The following TLCD4 variants were observed in gnomAD, a reference collection of about 807,000 sequenced individuals.
The protein encoded by TLCD4 is TLC domain containing 4.
In TLCD4, 7 loss-of-function variants were observed where a neutral mutation model predicts 24.2. That is an observed-to-expected ratio of 0.29 (90% CI 0.16 to 0.54). TLCD4 has a LOEUF of 0.54. Ranked by LOEUF, TLCD4 falls within the 20% of genes least tolerant of loss-of-function variation. The pLI is 0.95. For synonymous variants in TLCD4, 103 were observed against 106.4 expected (o/e 0.97, Z 0.20); for missense variants, 259 against 313.9 (o/e 0.82, Z 1.32).
intron 1 of TLCD4, among the ~76,000 whole-genome samples, chr1:95,139,455 A>ATTTTTTTTTTTTTTTTTTTTTTTTTTTTT (rs200337389): frequency 6.4e-5 from 6 of 93,992 alleles, no homozygotes; most frequent in Admixed American, 1.3e-4. Context: ...TAAACCTTTG[A>ATTTTTTTTTTTTTTTTTTTTTTTTTTTTT]TTTTTTTTTT....
chr1:95,120,857 C>G (rs1304713599), intron 1 of TLCD4, among the ~76,000 whole-genome samples: 1 of 152,166 alleles, frequency 6.6e-6, no homozygotes, highest in Non-Finnish European at 1.5e-5. Flanking sequence ...AAACTCATAA[C>G]GTGTTAGTGG....
At chr1:95,171,735 CA>C (rs1466510234) in intron 5 of TLCD4, among the ~76,000 whole-genome samples, 1 of 152,034 alleles carries the variant, frequency 6.6e-6, no homozygotes, top group African/African-American at 2.4e-5. Flanking sequence ...GGAGATAAAA[CA>C]GAACATATTG....
chr1:95,115,966 C>T (rs906895680), upstream of TLCD4, among the ~76,000 whole-genome samples: 9 of 152,118 alleles, frequency 5.9e-5, no homozygotes, highest in Admixed American at 3.3e-4. Context: ...GTAGCTATTG[C>T]GCAAACCAAA....
intron 6 of TLCD4, among the ~76,000 whole-genome samples, chr1:95,185,741 T>C (rs1226120516): frequency 6.6e-6 from 1 of 152,254 alleles, no homozygotes; most frequent in Non-Finnish European, 1.5e-5. Context: ...TAGTATATAA[T>C]GCAAATAACA....
the TLCD4 span, among the ~76,000 whole-genome samples, chr1:95,112,346 C>T: frequency 1.3e-5 from 2 of 151,862 alleles, no homozygotes; most frequent in African/African-American, 4.8e-5. Context: ...AACCTACTAA[C>T]AAGAATTCAC....
At chr1:95,130,837 G>T (rs888423124) in intron 1 of TLCD4, among the ~76,000 whole-genome samples, 2 of 152,200 alleles carry the variant, frequency 1.3e-5, no homozygotes, top group African/African-American at 2.4e-5. Context: ...GGAGCTTACA[G>T]TAGATAAATA....
chr1:95,096,822 A>G, the TLCD4 span, among the ~76,000 whole-genome samples: 2 of 152,164 alleles, frequency 1.3e-5, no homozygotes, highest in Non-Finnish European at 2.9e-5. Flanking sequence ...TTACCTCACC[A>G]GCACCTCCCC....
At position 95,143,845 on chromosome 1, in the gene TLCD4, G is replaced by C. The variant is rs980653076; in HGVS notation, c.-11-46G>C. The C allele has an allele frequency of 2.3e-6, 3 of 1,320,898 alleles. No homozygotes were observed. The African/African-American group carries it at 4.5e-5, about 20-fold the overall frequency. 81.8% of individuals were successfully genotyped at this position (1,320,898 alleles called of 1,614,324 possible). A position where few individuals can be genotyped will look rare whatever the true frequency, so the allele number is the denominator to read the frequency against. On this transcript the variant is annotated intron_variant, in intron 1 of 6. Coordinates refer to ENST00000370203, the MANE Select transcript of TLCD4 (RefSeq NM_152487.3). ...TTCTTAAAATAAAAAAATTACTCTA[G>C]GTTTATTATGAGACAACAATTTATA...
chr1:95,176,895 A>G (rs367712969), intron 6 of TLCD4, among the ~76,000 whole-genome samples: 77 of 152,302 alleles, frequency 5.1e-4, no homozygotes, highest in African/African-American at 1.8e-3. Flanking sequence ...TCAAGAGACT[A>G]TCTTTTCCCC....
Position 95,191,889 on chromosome 1 carries a change from A to G in TLCD4, c.*21A>G, listed in dbSNP as rs760105294. The G allele has an allele frequency of 1.9e-6, 3 of 1,602,100 alleles. No individual in the cohort carries two copies. The highest frequency in any genetic ancestry group is 2.7e-5 in the African/African-American group (2 of 74,642). On this transcript the variant is annotated 3_prime_UTR_variant, in exon 7 of 7. Transcript: ENST00000370203. ...ATTAAAAGAGTGCTACCGATAAGCAAACTTCATTACTACCCAGCATATCTG... is the reference window on the plus strand; with the variant it reads ...ATTAAAAGAGTGCTACCGATAAGCAGACTTCATTACTACCCAGCATATCTG...
chr1:95,102,408 A>C, the TLCD4 span, among the ~76,000 whole-genome samples: 2 of 152,172 alleles, frequency 1.3e-5, no homozygotes, highest in Non-Finnish European at 2.9e-5. Flanking sequence ...ACTTGGATAG[A>C]GAGAGCTGAG....
At chr1:95,188,203 C>A (rs1238986271) in intron 6 of TLCD4, among the ~76,000 whole-genome samples, 3 of 151,840 alleles carry the variant, frequency 2.0e-5, no homozygotes, top group Non-Finnish European at 4.4e-5. Flanking sequence ...CTGGCTAACA[C>A]GGTGAAACCC....
At chr1:95,150,729 G>T (rs543809286) in intron 4 of TLCD4, among the ~76,000 whole-genome samples, 62 of 151,864 alleles carry the variant, frequency 4.1e-4, no homozygotes, top group South Asian at 2.3e-3. Flanking sequence ...TCACTATTTT[G>T]AATTAGTATT....
the TLCD4 span, among the ~76,000 whole-genome samples, chr1:95,105,903 A>AAAAAAAAAAAAG: frequency 6.7e-6 from 1 of 150,094 alleles, no homozygotes; most frequent in Non-Finnish European, 1.5e-5. Context: ...TTAAAAAAAA[A>AAAAAAAAAAAAG]AAAAAAAAAG....
chr1:95,093,131 T>C, the TLCD4 span, among the ~76,000 whole-genome samples: 1 of 152,226 alleles, frequency 6.6e-6, no homozygotes, highest in Non-Finnish European at 1.5e-5. Flanking sequence ...AGGCAGTCTC[T>C]AGGAAAACAT....
rs1343343316 is a variant in TLCD4 at position 95,196,090 on chromosome 1, C to A, written c.*4222C>A. 1 of 152,096 alleles carries A rather than the reference C, an allele frequency of 6.6e-6. No individual in the cohort carries two copies. The highest frequency in any genetic ancestry group is 2.4e-5 in the African/African-American group (1 of 41,420). The allele number at this position is 152,096 out of a possible 1,614,324, so 9.4% of individuals were successfully genotyped here. A position where few individuals can be genotyped will look rare whatever the true frequency, so the allele number is the denominator to read the frequency against. ...GACTTATTAAGAGACTACAGGAAGCCATTCAGCATTTAATAATAACTGTTT... is the reference window on the plus strand; with the variant it reads ...GACTTATTAAGAGACTACAGGAAGCAATTCAGCATTTAATAATAACTGTTT... On this transcript the variant is annotated 3_prime_UTR_variant, in exon 7 of 7. Coordinates refer to ENST00000370203, the MANE Select transcript of TLCD4 (RefSeq NM_152487.3).
At chr1:95,094,359 T>A in the TLCD4 span, among the ~76,000 whole-genome samples, 1 of 152,002 alleles carries the variant, frequency 6.6e-6, no homozygotes, top group Non-Finnish European at 1.5e-5. Context: ...GGTCTTTAAC[T>A]TCTGGGCTCA....
chr1:95,121,970 T>C (rs1357354697), intron 1 of TLCD4, among the ~76,000 whole-genome samples: 2 of 152,226 alleles, frequency 1.3e-5, no homozygotes, highest in African/African-American at 4.8e-5. Context: ...GGCAGAGTCT[T>C]AATCTGTAGT....
intron 6 of TLCD4, among the ~76,000 whole-genome samples, chr1:95,180,957 C>A: frequency 6.6e-6 from 1 of 151,950 alleles, no homozygotes; most frequent in Non-Finnish European, 1.5e-5. Flanking sequence ...ATTAGCTGGG[C>A]GTGGTGGCAC....
Sources: allele counts gnomAD v4.1 joint callset (sites outside exome capture counted in the v4.1 genomes callset), GRCh38; gene constraint gnomAD v4.1.1; transcripts MANE v1.5; gene names NCBI Gene and HGNC (gene_info 2026-07-23, HGNC 2026-07-21).